The following THOC2 variants were observed in gnomAD, a reference collection of about 807,000 sequenced individuals.
THOC2 encodes the protein THO complex subunit 2.
Under a neutral mutation model 128.4 loss-of-function variants are expected in THOC2, and 10 were observed. The ratio of observed to expected loss-of-function variants is 0.08; its 90% confidence interval spans 0.05 to 0.13. The LOEUF (loss-of-function observed/expected upper bound fraction) is 0.13, where lower values mean the gene tolerates loss of function less well. Ranked by LOEUF, THOC2 falls within the 10% of genes least tolerant of loss-of-function variation. The pLI is 1.00. For synonymous variants in THOC2, 393 were observed against 396.9 expected, an observed-to-expected ratio of 0.99 and a Z score of 0.12; for missense variants, 535 against 1,155.7, an observed-to-expected ratio of 0.46 and a Z score of 7.79.
intron 8 of THOC2, among the ~76,000 whole-genome samples, chrX:123,681,656 T>C (rs1294777371): frequency 1.8e-5 from 2 of 112,133 alleles, no homozygotes; most frequent in South Asian, 3.7e-4. Flanking sequence ...TGGGGAACTA[T>C]TCTAAATTAA....
chrX:123,624,057 T>TA lies in THOC2; in HGVS notation c.3318+2dup. On this transcript the variant is annotated splice_region_variant and intron_variant, in intron 27 of 38. Coordinates refer to ENST00000245838, the MANE Select transcript of THOC2 (RefSeq NM_001081550.2). ...CCTTTGAAAAATCCAATTTTTTTTT[T>TA]ACCTTGGTTAGTTTGTAATGCCATT... 8.4e-7 allele frequency: 1 copy of TA among 1,183,801 alleles called. No individual in the cohort carries two copies.
rs1301641995 is a variant in THOC2, at chrX:123,621,141, A to G, written c.4216+16T>C. On this transcript the variant is annotated intron_variant, in intron 31 of 38. Transcript: ENST00000245838. ...AATAACAAAACGTAAGAACGTATAA[A>G]GAAAGGTAAACTTGCCCCTTTCAGG... 8.4e-7 allele frequency: 1 copy of G among 1,188,699 alleles called. No individual in the cohort carries two copies. Among genetic ancestry groups the G allele is most frequent in the Admixed American group, 2.5e-5 (1 of 40,577 alleles).
At chrX:123,698,387 G>A (rs1415013181) in intron 4 of THOC2, among the ~76,000 whole-genome samples, 1 of 107,724 alleles carries the variant, frequency 9.3e-6, no homozygotes, top group Non-Finnish European at 1.9e-5. Flanking sequence ...GAACCCGGGA[G>A]GCGGAGCTTG....
chrX:123,627,402 CTCT>C (rs1254398738), intron 23 of THOC2, among the ~76,000 whole-genome samples: 15 of 111,560 alleles, frequency 1.3e-4, no homozygotes, highest in African/African-American at 4.6e-4. Context: ...AAGAACTCTC[CTCT>C]TGAGAACTAC....
intron 12 of THOC2, among the ~76,000 whole-genome samples, chrX:123,658,599 A>G (rs1161209974): frequency 1.8e-5 from 2 of 112,603 alleles, no homozygotes; most frequent in Non-Finnish European, 3.7e-5. Context: ...AAACAATCTG[A>G]AAAGGCTACA....
chrX:123,703,890 TAAA>T lies in THOC2; in HGVS notation c.223-388_223-386del, dbSNP rs774877149. ...TGGGCAACAGAGGAAACTCTGTCTT[TAAA>T]AAAAAAAAAAAAAAAAAAAATTGAT... is the stretch of plus-strand genomic sequence containing the variant. On this transcript the variant is annotated intron_variant, in intron 3 of 38. Transcript: ENST00000245838. Among the ~76,000 whole-genome samples, 61 of 37,005 alleles carry T rather than the reference TAAA, an allele frequency of 1.6e-3. 1 individual carries two copies. Among genetic ancestry groups the T allele is most frequent in the Non-Finnish European group, 2.0e-3 (48 of 24,313 alleles). 32.1% of individuals were successfully genotyped at this position (37,005 alleles called of 115,157 possible). A position where few individuals can be genotyped will look rare whatever the true frequency, so the allele number is the denominator to read the frequency against.
At chrX:123,676,296 G>A (rs1304563871) in intron 8 of THOC2, among the ~76,000 whole-genome samples, 1 of 111,639 alleles carries the variant, frequency 9.0e-6, no homozygotes, top group Non-Finnish European at 1.9e-5. Context: ...CCCCTATGTG[G>A]GTCCTTCAGG....
chrX:123,633,871 T>C (rs891555450), intron 20 of THOC2, 82 bp downstream of exon 20: 1 of 601,816 alleles, frequency 1.7e-6, no homozygotes, highest in Non-Finnish European at 2.6e-6. Context: ...TTTATAAACT[T>C]ACATATTGTT....
At position 123,645,053 on chromosome X, in the gene THOC2, G is replaced by A. The variant is rs140987733; in HGVS notation, c.1429-144C>T. 1,066 of 524,174 alleles carry A rather than the reference G, an allele frequency of 2.0e-3. 9 individuals carry two copies. In the African/African-American group the frequency reaches 0.022, roughly 11 times the overall value. The allele number at this position is 524,174 out of a possible 1,213,427, so 43.2% of individuals were successfully genotyped here. A position where few individuals can be genotyped will look rare whatever the true frequency, so the allele number is the denominator to read the frequency against. Reference sequence around the variant, plus strand: ...ATTCCTCACCCACCCTTTTCACAAAGCTTATTTATGTTTCTCCATCGAAGA... The same window carrying A: ...ATTCCTCACCCACCCTTTTCACAAAACTTATTTATGTTTCTCCATCGAAGA... On this transcript the variant is annotated intron_variant, in intron 13 of 38. Coordinates refer to ENST00000245838, the MANE Select transcript of THOC2 (RefSeq NM_001081550.2).
intron 12 of THOC2, among the ~76,000 whole-genome samples, chrX:123,657,925 A>C (rs939868443): frequency 9.1e-6 from 1 of 110,455 alleles, no homozygotes; most frequent in African/African-American, 3.3e-5. Context: ...TCAAAATAAT[A>C]ATAGCAACAA....
intron 38 of THOC2, among the ~76,000 whole-genome samples, chrX:123,606,268 T>C (rs2046462781): frequency 1.0e-5 from 1 of 95,691 alleles, no homozygotes; most frequent in East Asian, 3.1e-4. Flanking sequence ...TGAGACCTCG[T>C]CTCTACAAAA....
intron 2 of THOC2, among the ~76,000 whole-genome samples, chrX:123,709,792 G>T (rs2147945303): frequency 1.8e-5 from 2 of 111,622 alleles, no homozygotes; most frequent in East Asian, 5.6e-4. Flanking sequence ...ATAAATGTTT[G>T]AGGTGATACA....
At chrX:123,661,362 G>C (rs1371588148) in intron 12 of THOC2, among the ~76,000 whole-genome samples, 1 of 109,984 alleles carries the variant, frequency 9.1e-6, no homozygotes, top group Non-Finnish European at 1.9e-5. Context: ...CCGAGGTCGC[G>C]CCATTGCACT....
intron 38 of THOC2, chrX:123,601,922 T>C (rs1377713318): frequency 8.9e-6 from 1 of 112,852 alleles, no homozygotes; most frequent in Non-Finnish European, 1.9e-5. Flanking sequence ...TAAGATGCAG[T>C]GTCTGCTAAA....
At chrX:123,725,559 CGTA>C (rs2051923417) in intron 1 of THOC2, among the ~76,000 whole-genome samples, 1 of 92,101 alleles carries the variant, frequency 1.1e-5, no homozygotes, top group Non-Finnish European at 2.1e-5. Context: ...GAGTGGTGAT[CGTA>C]GTACCACTGC....
At position 123,611,395 on chromosome X, in the gene THOC2, A is replaced by G. The variant is rs770978236; in HGVS notation, c.4754+45T>C. The G allele has an allele frequency of 3.9e-6, 4 of 1,023,960 alleles. 1 individual carries two copies. In the African/African-American group the frequency reaches 7.5e-5, roughly 19 times the overall value. 84.4% of individuals were successfully genotyped at this position (1,023,960 alleles called of 1,213,427 possible). A position where few individuals can be genotyped will look rare whatever the true frequency, so the allele number is the denominator to read the frequency against. On this transcript the variant is annotated intron_variant, in intron 37 of 38. Coordinates refer to ENST00000245838, the MANE Select transcript of THOC2 (RefSeq NM_001081550.2). ...CAATTGTAAACATGACCAGTATCAAAGCTTTCTACTACACTAACTGAAAAC... is the reference window on the plus strand; with the variant it reads ...CAATTGTAAACATGACCAGTATCAAGGCTTTCTACTACACTAACTGAAAAC...
chrX:123,638,797 A>C (rs2047792680), intron 17 of THOC2, 137 bp downstream of exon 17: 1 of 407,476 alleles, frequency 2.5e-6, no homozygotes, highest in African/African-American at 2.7e-5. Context: ...CACACACACA[A>C]TTGACTGACC....
At chrX:123,642,493 G>A (rs1413192214) in intron 15 of THOC2, among the ~76,000 whole-genome samples, 1 of 109,591 alleles carries the variant, frequency 9.1e-6, no homozygotes, top group African/African-American at 3.3e-5. Flanking sequence ...CTGCTCTCAA[G>A]CCTGGTCCAG....
rs757819417 is a variant in THOC2 at position 123,731,849 on chromosome X, T to C, written c.71+1103A>G. 5.4e-5 allele frequency among the ~76,000 whole-genome samples: 6 copies of C among 111,455 alleles called. No homozygotes were observed. In the South Asian group the frequency reaches 2.3e-3, roughly 43 times the overall value. On this transcript the variant is annotated intron_variant, in intron 1 of 38. Transcript: ENST00000245838. ...TTCCAAGTAACGAAGTTACAAAGAT[T>C]TGAATCTTTAGCATGAGCCACGGTA...
Sources: gnomAD v4.1 joint callset for allele counts (sites outside exome capture counted in the v4.1 genomes callset) on GRCh38, gnomAD v4.1.1 for gene constraint, MANE v1.5 for transcripts, NCBI Gene and HGNC (gene_info 2026-07-23, HGNC 2026-07-21) for gene names.